Variants in ELP4 observed in about 807,000 individuals in gnomAD.
ELP4 encodes elongator acetyltransferase complex subunit 4.
In ELP4, 51 loss-of-function variants were observed where a neutral mutation model predicts 48.9. The ratio of observed to expected loss-of-function variants is 1.04; its 90% CI spans 0.83 to 1.32. The LOEUF (loss-of-function observed/expected upper bound fraction) is 1.32, where lower values mean the gene tolerates loss of function less well. ELP4 is among the 40% of genes most tolerant of loss of function. The pLI is 0.00. For missense variants in ELP4, 519 were observed against 514.6 expected, an observed-to-expected ratio of 1.01 and a Z score of -0.08; for synonymous variants, 210 against 189.2, an observed-to-expected ratio of 1.11 and a Z score of -0.90.
At chr11:31,687,871 G>T (rs865840824) in intron 9 of ELP4, among the ~76,000 whole-genome samples, 1 of 152,110 alleles carries the variant, frequency 6.6e-6, no homozygotes, top group South Asian at 2.1e-4. Context: ...AAAGAATCAG[G>T]GTTACCCCCA....
intron 7 of ELP4, among the ~76,000 whole-genome samples, chr11:31,636,371 G>A (rs1944977775): frequency 6.6e-6 from 1 of 151,780 alleles, no homozygotes; most frequent in African/African-American, 2.4e-5. Context: ...CTTTATTTGA[G>A]TGCATTATAT....
intron 9 of ELP4, among the ~76,000 whole-genome samples, chr11:31,668,490 T>G (rs1945726441): frequency 6.9e-6 from 1 of 145,690 alleles, no homozygotes. Context: ...TTGTAATTCT[T>G]TTTTTTTTTT....
chr11:31,560,714 T>TATA (rs1957009358), intron 3 of ELP4, among the ~76,000 whole-genome samples: 1 of 150,146 alleles, frequency 6.7e-6, no homozygotes, highest in Admixed American at 6.7e-5. Flanking sequence ...AACAACGTTG[T>TATA]TTTATATATA....
chr11:31,707,903 A>G (rs1005411621), intron 9 of ELP4, among the ~76,000 whole-genome samples: 6 of 152,096 alleles, frequency 3.9e-5, no homozygotes, highest in Non-Finnish European at 7.4e-5. Flanking sequence ...TTGTGATTAT[A>G]TTGTGCCCAG....
intron 7 of ELP4, among the ~76,000 whole-genome samples, chr11:31,643,420 T>C (rs1229992863): frequency 6.6e-6 from 1 of 151,894 alleles, no homozygotes; most frequent in Admixed American, 6.6e-5. Context: ...GGTTAATTAC[T>C]TCTTAATCCT....
At chr11:31,641,173 C>T (rs1423759992) in intron 7 of ELP4, among the ~76,000 whole-genome samples, 1 of 151,862 alleles carries the variant, frequency 6.6e-6, no homozygotes, top group Non-Finnish European at 1.5e-5. Context: ...AAACTCAGAT[C>T]ATTAGATTAT....
intron 9 of ELP4, among the ~76,000 whole-genome samples, chr11:31,655,669 T>C (rs1353555705): frequency 6.6e-6 from 1 of 151,966 alleles, no homozygotes. Flanking sequence ...CACGACACAA[T>C]CATGCGGTAT....
intron 9 of ELP4, among the ~76,000 whole-genome samples, chr11:31,734,445 T>C (rs1242459959): frequency 6.6e-6 from 1 of 152,182 alleles, no homozygotes; most frequent in East Asian, 1.9e-4. Flanking sequence ...GATGACATCT[T>C]ATATGTAGAA....
At chr11:31,668,527 T>A (rs1945727705) in intron 9 of ELP4, among the ~76,000 whole-genome samples, 1 of 151,758 alleles carries the variant, frequency 6.6e-6, no homozygotes, top group Non-Finnish European at 1.5e-5. Flanking sequence ...GGGCTGGCTA[T>A]GTTGCCCAGG....
At chr11:31,539,617 C>A (rs1956561277) in intron 2 of ELP4, 45 bp from the exon 3 acceptor site, 1 of 1,549,434 alleles carries the variant, frequency 6.5e-7, no homozygotes, top group African/African-American at 1.4e-5. Flanking sequence ...CCATTTGATT[C>A]TTTTCTTGCT....
chr11:31,538,964 A>G (rs1956550017), intron 2 of ELP4, among the ~76,000 whole-genome samples: 1 of 152,192 alleles, frequency 6.6e-6, no homozygotes, highest in Admixed American at 6.5e-5. Flanking sequence ...ATGTTAGAGT[A>G]ATGATGGGCC....
chr11:31,746,673 G>T (rs938249905), intron 9 of ELP4, among the ~76,000 whole-genome samples: 3 of 152,088 alleles, frequency 2.0e-5, no homozygotes, highest in Non-Finnish European at 2.9e-5. Context: ...TCACTCATAG[G>T]TGGGAATTGA....
At chr11:31,560,807 A>G (rs1466055666) in intron 3 of ELP4, among the ~76,000 whole-genome samples, 1 of 148,608 alleles carries the variant, frequency 6.7e-6, no homozygotes, top group East Asian at 2.0e-4. Context: ...CACATACACA[A>G]CAGTGGTCCT....
At chr11:31,719,158 G>A (rs1172992754) in intron 9 of ELP4, among the ~76,000 whole-genome samples, 1 of 151,982 alleles carries the variant, frequency 6.6e-6, no homozygotes, top group African/African-American at 2.4e-5. Context: ...ACTCTGAGAG[G>A]CTGAGGGGAG....
chr11:31,742,877 C>T (rs1338917180), intron 9 of ELP4, among the ~76,000 whole-genome samples: 1 of 152,128 alleles, frequency 6.6e-6, no homozygotes, highest in East Asian at 1.9e-4. Context: ...ATCATAATGA[C>T]AGGATCAAAT....
At chr11:31,643,810 C>T (rs1410957534) in intron 7 of ELP4, among the ~76,000 whole-genome samples, 1 of 151,324 alleles carries the variant, frequency 6.6e-6, no homozygotes, top group Non-Finnish European at 1.5e-5. Flanking sequence ...AGAGAACAGT[C>T]AAAACAAATA....
At chr11:31,591,892 C>T (rs1043322201) in intron 3 of ELP4, among the ~76,000 whole-genome samples, 6 of 152,116 alleles carry the variant, frequency 3.9e-5, no homozygotes, top group Non-Finnish European at 2.9e-5. Flanking sequence ...GTGGTACATA[C>T]ATACAATGAA....
chr11:31,595,882 G>A (rs1334064321), intron 4 of ELP4, among the ~76,000 whole-genome samples: 4 of 152,126 alleles, frequency 2.6e-5, no homozygotes, highest in African/African-American at 4.8e-5. Context: ...TCTAATCCAA[G>A]CCTACCTTTT....
chr11:31,564,324 G>C (rs1220612495), intron 3 of ELP4, among the ~76,000 whole-genome samples: 1 of 150,618 alleles, frequency 6.6e-6, no homozygotes, highest in Non-Finnish European at 1.5e-5. Flanking sequence ...TTTTTATAGA[G>C]TAGATTTTTT....
Sources: allele counts gnomAD v4.1 joint callset (sites outside exome capture counted in the v4.1 genomes callset), GRCh38; gene constraint gnomAD v4.1.1; transcripts MANE v1.5; gene names NCBI Gene and HGNC (gene_info 2026-07-23, HGNC 2026-07-21).